The following FOXP2 variants were observed in gnomAD, a reference collection of about 807,000 sequenced individuals.
The protein encoded by FOXP2 is forkhead box protein P2.
FOXP2 carries 12 observed loss-of-function variants against 115.8 expected under a neutral mutation model. The observed-to-expected ratio is 0.10, with a 90% CI of 0.07 to 0.17. FOXP2 has a LOEUF of 0.17. Ranked by LOEUF, FOXP2 falls within the 10% of genes least tolerant of loss-of-function variation. The pLI, the probability that FOXP2 is intolerant of heterozygous loss-of-function variation, is 1.00. For missense variants in FOXP2, 629 were observed against 843.5 expected (o/e 0.75, Z 3.15); for synonymous variants, 328 against 297.7 (o/e 1.10, Z -1.05).
chr7:114,125,333 T>C (rs552683411), intron 1 of FOXP2, among the ~76,000 whole-genome samples: 1 of 152,254 alleles, frequency 6.6e-6, no homozygotes, highest in East Asian at 1.9e-4. Flanking sequence ...AAAAAGGACG[T>C]AGTTTTTCCT....
At chr7:114,216,179 A>G (rs1050979992) in intron 1 of FOXP2, among the ~76,000 whole-genome samples, 6 of 152,202 alleles carry the variant, frequency 3.9e-5, no homozygotes, top group Admixed American at 2.0e-4. Flanking sequence ...AAGTGAAGGG[A>G]CAGAATGAAG....
intron 1 of FOXP2, among the ~76,000 whole-genome samples, chr7:114,254,658 A>T (rs1353459133): frequency 1.3e-5 from 2 of 151,356 alleles, no homozygotes; most frequent in African/African-American, 4.9e-5. Flanking sequence ...TCATTTAAGG[A>T]CTTCCCTACA....
chr7:114,379,378 TAGTC>T (rs1381107047), intron 2 of FOXP2, among the ~76,000 whole-genome samples: 8 of 152,150 alleles, frequency 5.3e-5, no homozygotes, highest in Non-Finnish European at 5.9e-5. Context: ...TAGGGATTCT[TAGTC>T]AGCCTAGGAA....
chr7:114,659,578 A>T lies in FOXP2; in HGVS notation c.1552A>T (p.Met518Leu). 1 of 1,613,486 alleles carries T rather than the reference A, an allele frequency of 6.2e-7. No homozygotes were observed. The highest frequency in any genetic ancestry group is 1.7e-5 in the Admixed American group (1 of 59,976). ...TYATLIRQAIMESSDRQLTLN... is the reference protein window; with the variant it reads ...TYATLIRQAILESSDRQLTLN... ...GTATCTTGTCTCATTTCAGGCTATC[A>T]TGGAGTCATCTGACAGGCAGTTAAC... The change falls in exon 13 of 17, where the codon ATG becomes TTG. Residue 518 changes from methionine to leucine, a missense_variant. Around this residue, in one of 9 missense-constraint regions of FOXP2, gnomAD observed 26 missense variants for 61.1 expected, o/e 0.43. Transcript: ENST00000350908.
chr7:114,458,268 T>C (rs1795406588), intron 2 of FOXP2, among the ~76,000 whole-genome samples: 2 of 152,152 alleles, frequency 1.3e-5, no homozygotes, highest in African/African-American at 4.8e-5. Context: ...AAAATTAGAA[T>C]TGATATCGAT....
intron 3 of FOXP2, among the ~76,000 whole-genome samples, chr7:114,626,759 G>C (rs542256873): frequency 2.0e-5 from 3 of 151,508 alleles, no homozygotes; most frequent in Non-Finnish European, 4.4e-5. Flanking sequence ...CTCACTACTT[G>C]TTCTAACCAT....
intron 15 of FOXP2, among the ~76,000 whole-genome samples, chr7:114,664,001 A>G (rs1480779536): frequency 6.6e-6 from 1 of 152,158 alleles, no homozygotes; most frequent in Non-Finnish European, 1.5e-5. Flanking sequence ...ATTTCATTAC[A>G]TGTGTGGATT....
At chr7:114,555,037 G>A (rs1255917901) in intron 3 of FOXP2, among the ~76,000 whole-genome samples, 1 of 152,064 alleles carries the variant, frequency 6.6e-6, no homozygotes, top group Non-Finnish European at 1.5e-5. Flanking sequence ...AGAAGACCAA[G>A]GAATCAACCA....
At chr7:114,651,203 A>C (rs915459331) in intron 8 of FOXP2, among the ~76,000 whole-genome samples, 3 of 152,060 alleles carry the variant, frequency 2.0e-5, no homozygotes, top group African/African-American at 7.2e-5. Flanking sequence ...TAAATATATA[A>C]ATTCTTATTT....
At chr7:114,312,915 G>A (rs1334914627) in intron 2 of FOXP2, among the ~76,000 whole-genome samples, 2 of 152,170 alleles carry the variant, frequency 1.3e-5, no homozygotes, top group African/African-American at 2.4e-5. Flanking sequence ...AGGGCTTCTT[G>A]GCACACCTAG....
At chr7:114,542,229 C>G (rs1437003240) in intron 3 of FOXP2, among the ~76,000 whole-genome samples, 1 of 151,886 alleles carries the variant, frequency 6.6e-6, no homozygotes, top group Non-Finnish European at 1.5e-5. Flanking sequence ...TACTTTATTG[C>G]TGTCTCTTTG....
intron 1 of FOXP2, among the ~76,000 whole-genome samples, chr7:114,272,023 T>C (rs924117734): frequency 1.4e-5 from 2 of 138,510 alleles, no homozygotes; most frequent in Non-Finnish European, 3.1e-5. Flanking sequence ...ATAATATTAA[T>C]AAATAATAAT....
rs1563082803 is a variant in FOXP2 at position 114,691,473 on chromosome 7, AC to A, written c.*1548del. The A allele has an allele frequency of 8.8e-6, 4 of 453,862 alleles. No individual in the cohort carries two copies. The highest frequency in any genetic ancestry group is 6.2e-5 in the South Asian group (4 of 64,456). The allele number at this position is 453,862 out of a possible 1,614,324, so 28.1% of individuals were successfully genotyped here. A position where few individuals can be genotyped will look rare whatever the true frequency, so the allele number is the denominator to read the frequency against. ...TACGGGATATTAACACTAACAATAC[AC>A]TCCCTTCAAAGACTTGCACAGGCCA... On this transcript the variant is annotated 3_prime_UTR_variant, in exon 17 of 17. Transcript: ENST00000350908.
At chr7:114,236,774 C>A (rs745927047) in intron 1 of FOXP2, among the ~76,000 whole-genome samples, 4 of 152,100 alleles carry the variant, frequency 2.6e-5, no homozygotes, top group Non-Finnish European at 5.9e-5. Context: ...GCCAGGAGTT[C>A]AAGACCAGCT....
chr7:114,155,473 T>C (rs934157865), intron 1 of FOXP2, among the ~76,000 whole-genome samples: 1 of 152,138 alleles, frequency 6.6e-6, no homozygotes, highest in South Asian at 2.1e-4. Flanking sequence ...TATATTTCTT[T>C]GACATATTTT....
intron 2 of FOXP2, among the ~76,000 whole-genome samples, chr7:114,532,567 C>T (rs1001388651): frequency 4.6e-5 from 7 of 151,760 alleles, no homozygotes; most frequent in East Asian, 1.9e-4. Context: ...GACTATTCTA[C>T]GTTTCATTTT....
In FOXP2 at chr7:114,296,023, T is replaced by A. The variant is rs555495334; in HGVS notation, c.-11+7914T>A. 2.0e-5 allele frequency among the ~76,000 whole-genome samples: 3 copies of A among 152,324 alleles called. No homozygotes were observed. The South Asian group carries it at 6.2e-4, about 32-fold the overall frequency. On this transcript the variant is annotated intron_variant, in intron 2 of 17. Coordinates refer to the FOXP2 transcript ENST00000634411. ...ATTCTCTGAAATCAAATGGAATAAT[T>A]TGCCAGGTTTAAGCCCATAAAGAAA...
chr7:114,608,206 T>A (rs1803435651), intron 3 of FOXP2, among the ~76,000 whole-genome samples: 1 of 152,212 alleles, frequency 6.6e-6, no homozygotes. Context: ...TTGCAGTTTC[T>A]GTGGGTTAGG....
intron 1 of FOXP2, among the ~76,000 whole-genome samples, chr7:114,246,031 T>C (rs879403302): frequency 1.3e-5 from 2 of 152,148 alleles, no homozygotes; most frequent in African/African-American, 2.4e-5. Flanking sequence ...TTATTGAACA[T>C]TTCTACACAG....
Sources: gnomAD v4.1 joint callset for allele counts (sites outside exome capture counted in the v4.1 genomes callset) on GRCh38, gnomAD v4.1.1 for gene constraint, gnomAD v4.1.1 regional missense constraint, MANE v1.5 for transcripts, NCBI Gene and HGNC (gene_info 2026-07-23, HGNC 2026-07-21) for gene names.